The following MEGF6 variants were observed in gnomAD, a reference collection of about 807,000 sequenced individuals.
The protein encoded by MEGF6 is multiple epidermal growth factor-like domains protein 6.
Under a neutral mutation model 207.1 loss-of-function variants are expected in MEGF6, and 184 were observed. The observed-to-expected ratio is 0.89, with a 90% CI of 0.79 to 1.00. MEGF6 has a LOEUF of 1.00. Ranked by LOEUF, MEGF6 falls within the 50% of genes least tolerant of loss-of-function variation. The pLI, the probability that MEGF6 is intolerant of heterozygous loss-of-function variation, is 0.00. For missense variants in MEGF6, 2,282 were observed against 2,202.9 expected, an observed-to-expected ratio of 1.04 and a Z score of -0.72; for synonymous variants, 1,038 against 910.0, an observed-to-expected ratio of 1.14 and a Z score of -2.53.
chr1:3,551,728 TGGGGGAGCTGGATG>T (rs760393768), intron 4 of MEGF6, among the ~76,000 whole-genome samples: 8 of 151,868 alleles, frequency 5.3e-5, no homozygotes, highest in East Asian at 1.9e-4. Flanking sequence ...GAGCCCGAGA[TGGGGGAGCTGGATG>T]GGGGGAGCTG....
intron 2 of MEGF6, among the ~76,000 whole-genome samples, chr1:3,596,361 T>C (rs1008032817): frequency 6.6e-6 from 1 of 150,908 alleles, no homozygotes; most frequent in African/African-American, 2.4e-5. Context: ...GGACATGACG[T>C]CCCCCTCCCC....
chr1:3,514,655 T>G lies in MEGF6; in HGVS notation c.748A>C (p.Asn250His). 2.5e-6 allele frequency: 4 copies of G among 1,583,628 alleles called. No individual in the cohort carries two copies. Among genetic ancestry groups the G allele is most frequent in the Non-Finnish European group, 3.4e-6 (4 of 1,167,322 alleles). Residue 250 changes from asparagine to histidine, a missense_variant, in exon 7 of 37, where the codon AAC becomes CAC. By Grantham distance (68) the Asn-to-His change is moderately conservative. Transcript: ENST00000356575. ...CTGTGCATGCAGCTGCCGTTCCTGT[T>G]GGCACACGGGCTTCTACCTGCAGCC... ...RHCVRRSPCANRNGSCMHRCQ... is the reference protein window; with the variant it reads ...RHCVRRSPCAHRNGSCMHRCQ...
intron 4 of MEGF6, among the ~76,000 whole-genome samples, chr1:3,548,034 C>A (rs1390776282): frequency 2.0e-5 from 3 of 152,200 alleles, no homozygotes; most frequent in Non-Finnish European, 4.4e-5. Flanking sequence ...TGTTCAGCCC[C>A]CTGTGCCCCC....
chr1:3,536,587 G>T (rs1048833486), intron 4 of MEGF6, among the ~76,000 whole-genome samples: 1 of 152,178 alleles, frequency 6.6e-6, no homozygotes, highest in Non-Finnish European at 1.5e-5. Flanking sequence ...CACCGAGCAC[G>T]TCCCAGCCGG....
rs1362764518 is a variant in MEGF6, at chr1:3,560,078, C to G, written c.481+19747G>C. Among the ~76,000 whole-genome samples the G allele has an allele frequency of 6.7e-6, 1 of 148,654 alleles. No individual in the cohort carries two copies. The highest frequency in any genetic ancestry group is 1.9e-4 in the East Asian group (1 of 5,140). On this transcript the variant is annotated intron_variant, in intron 4 of 36. Coordinates refer to ENST00000356575, the MANE Select transcript of MEGF6 (RefSeq NM_001409.4). This position sits in a 1 kb window ranked among gnomAD's most constrained non-coding sequence, Gnocchi z 4.0. ...CATCTCCTGGGAGTCGGGAGGTGCT[C>G]TCAGGGCAGGAGAGGGCCTGGCAAG...
chr1:3,554,408 C>A (rs951194677), intron 4 of MEGF6, among the ~76,000 whole-genome samples: 2 of 152,094 alleles, frequency 1.3e-5, no homozygotes, highest in Non-Finnish European at 2.9e-5. Context: ...CCAGGTGTCC[C>A]GGTGAGAGGG....
intron 3 of MEGF6, among the ~76,000 whole-genome samples, chr1:3,591,448 A>T (rs1643976233): frequency 6.6e-6 from 1 of 152,180 alleles, no homozygotes; most frequent in Non-Finnish European, 1.5e-5. Flanking sequence ...AGCAGACTTC[A>T]CCCAGGCCTC....
intron 4 of MEGF6, among the ~76,000 whole-genome samples, chr1:3,570,499 G>A (rs1458349947): frequency 6.6e-6 from 1 of 152,260 alleles, no homozygotes; most frequent in Non-Finnish European, 1.5e-5. Flanking sequence ...AAACCAGGCA[G>A]AGCTCCTCAA....
chr1:3,611,108 G>C, intron 1 of MEGF6, 30 bp downstream of exon 1: 1 of 1,458,328 alleles, frequency 6.9e-7, no homozygotes, highest in Non-Finnish European at 9.0e-7. Context: ...CTGGACGACC[G>C]GCCGAGCCCT....
In MEGF6 at chr1:3,496,702, C is replaced by T. The variant is rs760438427; in HGVS notation, c.3695G>A (p.Gly1232Glu). 1 of 1,561,194 alleles carries T rather than the reference C, an allele frequency of 6.4e-7. No homozygotes were observed. The change falls in exon 29 of 37, where the codon GGG (glycine) becomes GAG (glutamate). Residue 1232 changes from glycine to glutamate, a missense_variant. Coordinates refer to ENST00000356575, the MANE Select transcript of MEGF6 (RefSeq NM_001409.4). ...LNGGSCDAATGACRCPTGFLG... is the reference protein window; with the variant it reads ...LNGGSCDAATEACRCPTGFLG... ...GAACCCAGTGGGGCAGCGGCAGGCC[C>T]CCGTGGCCGCATCACAGGAGCCCCC...
At chr1:3,574,070 C>A (rs59849089) in intron 4 of MEGF6, among the ~76,000 whole-genome samples, 16,177 of 151,920 alleles carry the variant, frequency 0.11, 1,847 homozygotes, top group African/African-American at 0.29. Flanking sequence ...GAGACCCCCA[C>A]TGAGGGCCTC....
rs1045203777 is a variant in MEGF6, at chr1:3,489,258, C to T, written c.*1270G>A. Among the ~76,000 whole-genome samples the T allele has an allele frequency of 2.0e-5, 3 of 152,226 alleles. No homozygotes were observed. The highest frequency in any genetic ancestry group is 4.4e-5 in the Non-Finnish European group (3 of 68,042). On this transcript the variant is annotated 3_prime_UTR_variant, in exon 37 of 37. Coordinates refer to ENST00000356575, the MANE Select transcript of MEGF6 (RefSeq NM_001409.4). ...TGTGAGCAACCAAGCTCACTGGACT[C>T]CTCCTCCTCCTGCTGGTGAAATTGT...
rs574657101 is a variant in MEGF6, at chr1:3,602,872, C to T, written c.132-272G>A. On this transcript the variant is annotated intron_variant, in intron 1 of 36. Coordinates refer to ENST00000356575, the MANE Select transcript of MEGF6 (RefSeq NM_001409.4). ...ATCCTAGTGCCCTAAGACCTTGCAA[C>T]ACAGCCACCAACGACGCTGCCTCAA... is the stretch of plus-strand genomic sequence containing the variant. Among the ~76,000 whole-genome samples, 4 of 152,334 alleles carry T rather than the reference C, an allele frequency of 2.6e-5. No homozygotes were observed. In the East Asian group the frequency reaches 7.7e-4, roughly 29 times the overall value.
intron 4 of MEGF6, among the ~76,000 whole-genome samples, chr1:3,567,621 G>A (rs1020372498): frequency 2.6e-5 from 4 of 152,184 alleles, no homozygotes; most frequent in Admixed American, 1.3e-4. Context: ...CCGGGGACAC[G>A]GCCAGCCTGG....
At chr1:3,491,709 T>C (rs1490470741) in intron 35 of MEGF6, among the ~76,000 whole-genome samples, 1 of 142,934 alleles carries the variant, frequency 7.0e-6, no homozygotes, top group African/African-American at 2.6e-5. Flanking sequence ...GCCCCAAGCC[T>C]GCCTCCCACT....
chr1:3,510,014 T>C (rs930991820), intron 10 of MEGF6, 22 bp from the exon 11 acceptor site: 1 of 1,576,072 alleles, frequency 6.3e-7, no homozygotes. Flanking sequence ...CCGGGACCAC[T>C]GAGGCCTGTG....
upstream of MEGF6, among the ~76,000 whole-genome samples, chr1:3,616,456 G>A (rs139296528): frequency 3.9e-5 from 6 of 152,144 alleles, no homozygotes; most frequent in African/African-American, 1.2e-4. Context: ...CAACACCAAC[G>A]ACCACCCCGG....
In MEGF6 at chr1:3,494,079, C is replaced by A. The variant is rs1186051186; in HGVS notation, c.4175G>T (p.Trp1392Leu). 1 of 1,596,266 alleles carries A rather than the reference C, an allele frequency of 6.3e-7. No homozygotes were observed. The highest frequency in any genetic ancestry group is 8.5e-7 in the Non-Finnish European group (1 of 1,170,326). The part of the protein sequence containing the change: ...FHGAGCQGLC[W>L]CQHGAPCDPI... ...GTCGCAGGGGGCTCCATGTTGACAC[C>A]AGCACAACCCCTGGCAGCCAGCCCC... The change falls in exon 33 of 37, where the codon TGG becomes TTG. Residue 1392 changes from tryptophan (W) to leucine (L), a missense_variant. Trp to Leu is a moderately conservative substitution (Grantham distance 61). Transcript: ENST00000356575.
At position 3,497,279 on chromosome 1, in the gene MEGF6, C is replaced by T; in HGVS notation, c.3435G>A (p.Gly1145=). 1.4e-5 allele frequency: 22 copies of T among 1,550,608 alleles called. No homozygotes were observed. The highest frequency in any genetic ancestry group is 1.9e-5 in the Non-Finnish European group (22 of 1,150,760). ...TGAAGCCAGGGGGACAGCGGCAGGC[C>T]CCAGTGACGTGGTGGCAGGCAGCGC... ...PPGAACHHVT[G]ACRCPPGFTG... Residue 1145 remains glycine (G), a synonymous_variant, in exon 27 of 37, where the codon GGG becomes GGA. Coordinates refer to ENST00000356575, the MANE Select transcript of MEGF6 (RefSeq NM_001409.4).
Sources: gnomAD v4.1 joint callset for allele counts (sites outside exome capture counted in the v4.1 genomes callset) on GRCh38, gnomAD v4.1.1 for gene constraint, Gnocchi (gnomAD v3.1) non-coding constraint, MANE v1.5 for transcripts, NCBI Gene and HGNC (gene_info 2026-07-23, HGNC 2026-07-21) for gene names.